The following OTOGL variants were observed in gnomAD, a reference collection of about 807,000 sequenced individuals.
OTOGL encodes the protein otogelin like.
In OTOGL, 285 loss-of-function variants were observed where a neutral mutation model predicts 318.5. The observed-to-expected ratio is 0.89, with a 90% CI of 0.81 to 0.99. OTOGL has a LOEUF of 0.99. Among genes scored for constraint, OTOGL ranks in the 50% least tolerant of loss-of-function variants. The probability of loss-of-function intolerance (pLI) is 0.00; values close to 1 mark genes in which losing one functional copy is unlikely to be tolerated. For missense variants in OTOGL, 2,899 were observed against 2,845.6 expected (o/e 1.02, Z -0.43); for synonymous variants, 987 against 936.5 (o/e 1.05, Z -0.99).
chr12:80,229,486 C>T, intron 8 of OTOGL, 108 bp downstream of exon 8: 2 of 1,344,844 alleles, frequency 1.5e-6, no homozygotes, highest in Non-Finnish European at 2.0e-6. Flanking sequence ...AGGATTTCTT[C>T]AACAATACTC....
At chr12:80,274,367 T>G (rs1343070175) in intron 24 of OTOGL, among the ~76,000 whole-genome samples, 1 of 152,182 alleles carries the variant, frequency 6.6e-6, no homozygotes, top group South Asian at 2.1e-4. Flanking sequence ...TCAAATCAGC[T>G]GCAACATTCA....
At chr12:80,315,491 A>C (rs1208665986) in intron 32 of OTOGL, among the ~76,000 whole-genome samples, 10 of 152,190 alleles carry the variant, frequency 6.6e-5, no homozygotes, top group African/African-American at 2.4e-4. Context: ...AAATCTATTT[A>C]ATGAGGAAGG....
chr12:80,124,006 G>GTAGTTTC (rs1387019466), intron 1 of OTOGL, among the ~76,000 whole-genome samples: 1 of 152,052 alleles, frequency 6.6e-6, no homozygotes, highest in Admixed American at 6.6e-5. Context: ...CCCTCTGATG[G>GTAGTTTC]TAGTTTCTTT....
At chr12:80,355,618 G>T in intron 46 of OTOGL, 118 bp from the exon 47 acceptor site, 1 of 730,686 alleles carries the variant, frequency 1.4e-6, no homozygotes, top group East Asian at 2.8e-5. Flanking sequence ...AAAAACAATA[G>T]ACTTGTGACA....
chr12:80,308,455 C>T (rs1309992061), intron 29 of OTOGL, among the ~76,000 whole-genome samples: 4 of 151,716 alleles, frequency 2.6e-5, no homozygotes, highest in South Asian at 2.1e-4. Context: ...TGATGGCGGC[C>T]GGGAAGAGAC....
intron 1 of OTOGL, among the ~76,000 whole-genome samples, chr12:80,108,771 GTA>G (rs72466250): frequency 0.57 from 73,495 of 129,194 alleles, 21,107 homozygotes; most frequent in Middle Eastern, 0.62. Flanking sequence ...ATATATACAC[GTA>G]TATATATATA....
intron 1 of OTOGL, among the ~76,000 whole-genome samples, chr12:80,122,637 G>T (rs1565868005): frequency 6.6e-6 from 1 of 152,118 alleles, no homozygotes. Flanking sequence ...AGAAGCAAAA[G>T]AAATGAGGCA....
At chr12:80,335,864 A>G (rs1888358104) in intron 38 of OTOGL, 99 bp from the exon 39 acceptor site, 1 of 1,125,754 alleles carries the variant, frequency 8.9e-7, no homozygotes, top group African/African-American at 1.6e-5. Context: ...TTTGTATTCA[A>G]TAAATGTACA....
Position 80,251,791 on chromosome 12 carries a change from C to A in OTOGL, c.1151C>A (p.Pro384Gln). ...ATTCAAGACTGGAGAGATGACTTTCCAGCATGCAGTATGTTTTTTTATTTT... is the reference window on the plus strand; with the variant it reads ...ATTCAAGACTGGAGAGATGACTTTCAAGCATGCAGTATGTTTTTTTATTTT... ...YPIQDWRDDF[P>Q]ACTDKCDDSF... The change falls in exon 12 of 59, where the codon CCA becomes CAA. Residue 384 changes from proline to glutamine, a missense_variant. Pro to Gln is a moderately conservative substitution (Grantham distance 76). This residue lies in a region of OTOGL where 2,607 missense variants were observed against 2,524.9 expected (regional missense o/e 1.03). Coordinates refer to ENST00000547103, the MANE Select transcript of OTOGL (RefSeq NM_001378609.3). 1 of 1,572,618 alleles carries A rather than the reference C, an allele frequency of 6.4e-7. No individual in the cohort carries two copies. The highest frequency in any genetic ancestry group is 8.6e-7 in the Non-Finnish European group (1 of 1,157,228).
intron 9 of OTOGL, among the ~76,000 whole-genome samples, chr12:80,233,639 G>C (rs1171369620): frequency 6.6e-6 from 1 of 152,174 alleles, no homozygotes; most frequent in African/African-American, 2.4e-5. Context: ...TTAAATCTAA[G>C]TTATGAAACT....
chr12:80,339,995 C>T (rs1021281881), intron 43 of OTOGL, among the ~76,000 whole-genome samples: 2 of 152,108 alleles, frequency 1.3e-5, no homozygotes, highest in Admixed American at 6.5e-5. Context: ...ATGTCAGTTT[C>T]CTCATCTTTA....
chr12:80,303,526 T>C (rs971766384), intron 28 of OTOGL, among the ~76,000 whole-genome samples: 6 of 152,226 alleles, frequency 3.9e-5, no homozygotes, highest in African/African-American at 1.2e-4. Flanking sequence ...ACAAATGCAT[T>C]GTATTAGTCC....
Position 80,147,835 on chromosome 12 carries a change from T to C in OTOGL, c.-20+48230T>C, listed in dbSNP as rs535789543. On this transcript the variant is annotated intron_variant, in intron 1 of 58. Transcript: ENST00000547103. ...TGGCCTTGTTTGTCTCTTTTGATCT[T>C]TATTGGTTTAAAGTCTGTTTTATCA... Among the ~76,000 whole-genome samples, 5 of 152,318 alleles carry C rather than the reference T, an allele frequency of 3.3e-5. No homozygotes were observed. In the South Asian group the frequency reaches 1.0e-3, roughly 32 times the overall value.
rs537949908 is a variant in OTOGL at position 80,120,315 on chromosome 12, G to C, written c.-20+20710G>C. 3.3e-5 allele frequency among the ~76,000 whole-genome samples: 5 copies of C among 152,126 alleles called. No individual in the cohort carries two copies. The East Asian group carries it at 9.7e-4, about 29-fold the overall frequency. On this transcript the variant is annotated intron_variant, in intron 1 of 58. Coordinates refer to ENST00000547103, the MANE Select transcript of OTOGL (RefSeq NM_001378609.3). ...AATATCATTTAATTAGAGTTTCTAA[G>C]TATGCCAGGCACTATGCTGAATCCT...
chr12:80,267,583 G>A lies in OTOGL; in HGVS notation c.2465+256G>A, dbSNP rs962772186. 2.8e-5 allele frequency among the ~76,000 whole-genome samples: 3 copies of A among 105,322 alleles called. No homozygotes were observed. In the Admixed American group the frequency reaches 4.4e-4, roughly 15 times the overall value. The allele number at this position is 105,322 out of a possible 152,430, so 69.1% of individuals were successfully genotyped here. A position where few individuals can be genotyped will look rare whatever the true frequency, so the allele number is the denominator to read the frequency against. On this transcript the variant is annotated intron_variant, in intron 22 of 58. Transcript: ENST00000547103. ...CTCCCCCCACCCCACAACAGGCCCC[G>A]GTGTATGATGTTCCCCTTCCTGTGT...
chr12:80,181,021 C>A (rs1365562994), intron 1 of OTOGL, among the ~76,000 whole-genome samples: 1 of 152,096 alleles, frequency 6.6e-6, no homozygotes, highest in Non-Finnish European at 1.5e-5. Context: ...AGTCCATGTT[C>A]AATAGCTTCC....
At chr12:80,228,194 A>G (rs929360300) in intron 7 of OTOGL, among the ~76,000 whole-genome samples, 2 of 152,178 alleles carry the variant, frequency 1.3e-5, no homozygotes, top group African/African-American at 4.8e-5. Context: ...TAATCCCAGC[A>G]CTTTGGGAGG....
chr12:80,307,766 C>T (rs556367433), intron 29 of OTOGL, among the ~76,000 whole-genome samples: 76 of 142,236 alleles, frequency 5.3e-4, no homozygotes, highest in African/African-American at 1.1e-3. Flanking sequence ...CCCTCCCGGA[C>T]GGGGTGGCTG....
intron 1 of OTOGL, among the ~76,000 whole-genome samples, chr12:80,144,990 C>T (rs1187206942): frequency 2.1e-4 from 32 of 151,166 alleles, no homozygotes; most frequent in Non-Finnish European, 4.4e-4. Flanking sequence ...CAAAAATTTT[C>T]TCCCATGTTG....
Sources: allele counts gnomAD v4.1 joint callset (sites outside exome capture counted in the v4.1 genomes callset), GRCh38; gene constraint gnomAD v4.1.1; regional missense constraint gnomAD v4.1.1; transcripts MANE v1.5; gene names NCBI Gene and HGNC (gene_info 2026-07-23, HGNC 2026-07-21).